CNTN6: variants seen among roughly 807,000 people sequenced by gnomAD.
The protein encoded by CNTN6 is contactin 6.
In CNTN6, 137 loss-of-function variants were observed where a neutral mutation model predicts 122.8. That is an observed-to-expected ratio of 1.12 (90% confidence interval 0.97 to 1.29). The LOEUF is 1.29. Among genes scored for constraint, CNTN6 ranks in the 50% most tolerant of loss-of-function variants. CNTN6 has a pLI of 0.00. For missense variants in CNTN6, 1,634 were observed against 1,223.4 expected, an observed-to-expected ratio of 1.34 and a Z score of -5.01; for synonymous variants, 570 against 426.0, an observed-to-expected ratio of 1.34 and a Z score of -4.16.
rs577588841 is a variant in CNTN6 at position 1,225,380 on chromosome 3, A to G, written c.183-2438A>G. Among the ~76,000 whole-genome samples the G allele has an allele frequency of 7.2e-5, 11 of 152,334 alleles. No homozygotes were observed. The South Asian group carries it at 8.3e-4, about 11-fold the overall frequency. ...TACAGTTTAATAATCATTGTACCGT[A>G]GTGATCAGAATGATTATGGGGATAC... On this transcript the variant is annotated intron_variant, in intron 3 of 22. Coordinates refer to ENST00000446702, the MANE Select transcript of CNTN6 (RefSeq NM_001289080.2).
intron 2 of CNTN6, among the ~76,000 whole-genome samples, chr3:1,188,056 T>C (rs1465560781): frequency 6.6e-6 from 1 of 152,172 alleles, no homozygotes; most frequent in Non-Finnish European, 1.5e-5. Context: ...TTAAATGCCA[T>C]TTATTCACAC....
At chr3:1,365,699 G>A (rs993355885) in intron 12 of CNTN6, among the ~76,000 whole-genome samples, 1 of 151,758 alleles carries the variant, frequency 6.6e-6, no homozygotes, top group Non-Finnish European at 1.5e-5. Context: ...GACAAAAACC[G>A]CAATTACTTT....
chr3:1,334,425 G>T (rs115080265), intron 11 of CNTN6, among the ~76,000 whole-genome samples: 5,618 of 150,480 alleles, frequency 0.037, 153 homozygotes, highest in African/African-American at 0.069. Context: ...ATCTTAAGAT[G>T]AAATAATATG....
chr3:1,134,832 A>G (rs2092431608), intron 1 of CNTN6, among the ~76,000 whole-genome samples: 1 of 152,178 alleles, frequency 6.6e-6, no homozygotes, highest in Admixed American at 6.5e-5. Context: ...AGATATTGGA[A>G]GGTGGCAATG....
chr3:1,219,601 C>G (rs182603964), intron 2 of CNTN6, among the ~76,000 whole-genome samples: 2 of 152,174 alleles, frequency 1.3e-5, no homozygotes, highest in East Asian at 3.8e-4. Context: ...CCTGACTATT[C>G]AGACAAGCCC....
intron 1 of CNTN6, among the ~76,000 whole-genome samples, chr3:1,106,903 G>A (rs185328583): frequency 3.9e-5 from 6 of 152,216 alleles, no homozygotes; most frequent in Non-Finnish European, 8.8e-5. Context: ...CAATAAAACA[G>A]CGTTGAGTTA....
At chr3:1,356,519 C>T (rs962524499) in intron 12 of CNTN6, among the ~76,000 whole-genome samples, 1 of 151,700 alleles carries the variant, frequency 6.6e-6, no homozygotes, top group Non-Finnish European at 1.5e-5. Context: ...TTGGAGGCTT[C>T]GTGGCTCTAG....
At chr3:1,393,188 A>AAAAT (rs1203216668) in intron 20 of CNTN6, among the ~76,000 whole-genome samples, 1 of 97,438 alleles carries the variant, frequency 1.0e-5, no homozygotes, top group Non-Finnish European at 2.1e-5. Flanking sequence ...CTGGATTAAG[A>AAAAT]AAATATGGCA....
chr3:1,233,249 T>C (rs575549148), intron 4 of CNTN6, among the ~76,000 whole-genome samples: 1 of 152,246 alleles, frequency 6.6e-6, no homozygotes, highest in South Asian at 2.1e-4. Context: ...ATAGGGTTAC[T>C]ATGAGGACCA....
intron 1 of CNTN6, among the ~76,000 whole-genome samples, chr3:1,102,990 C>G (rs978784507): frequency 2.0e-5 from 3 of 151,236 alleles, no homozygotes; most frequent in Non-Finnish European, 4.4e-5. Flanking sequence ...CCTGTGGTCC[C>G]AGCTACTCGG....
intron 4 of CNTN6, among the ~76,000 whole-genome samples, 194 bp from the exon 5 acceptor site, chr3:1,278,219 A>T (rs1055375614): frequency 1.3e-5 from 2 of 152,236 alleles, no homozygotes; most frequent in African/African-American, 4.8e-5. Context: ...GTGTTTAATT[A>T]AAAAGAAAGA....
intron 1 of CNTN6, among the ~76,000 whole-genome samples, chr3:1,141,380 G>A (rs1208969294): frequency 7.2e-5 from 11 of 152,272 alleles, no homozygotes; most frequent in Non-Finnish European, 1.2e-4. Flanking sequence ...AGGGGAGAAC[G>A]AAGCCCGTGA....
rs1311658391 is a variant in CNTN6 at position 1,095,744 on chromosome 3, T to C, written c.-83+2624T>C. On this transcript the variant is annotated intron_variant, in intron 1 of 22. Coordinates refer to ENST00000446702, the MANE Select transcript of CNTN6 (RefSeq NM_001289080.2). The stretch of plus-strand genomic sequence containing the variant: ...ACTTTTATAACCCTTGTTATGATAG[T>C]TAAATGCATTTGCAATGTGACTTGT... Among the ~76,000 whole-genome samples, 5 of 152,208 alleles carry C rather than the reference T, an allele frequency of 3.3e-5. No homozygotes were observed. The East Asian group carries it at 9.6e-4, about 29-fold the overall frequency.
chr3:1,297,808 A>G, intron 6 of CNTN6, 81 bp from the exon 7 acceptor site: 1 of 1,010,090 alleles, frequency 9.9e-7, no homozygotes, highest in Non-Finnish European at 1.5e-6. Context: ...AGAAATAATC[A>G]GGTTTTGGTT....
chr3:1,340,428 G>T (rs1703718516), intron 11 of CNTN6, among the ~76,000 whole-genome samples: 1 of 152,094 alleles, frequency 6.6e-6, no homozygotes, highest in African/African-American at 2.4e-5. Context: ...AAAAATATCA[G>T]TTCTTTCAGT....
At chr3:1,283,218 G>A (rs1693776205) in intron 5 of CNTN6, among the ~76,000 whole-genome samples, 1 of 152,160 alleles carries the variant, frequency 6.6e-6, no homozygotes, top group African/African-American at 2.4e-5. Flanking sequence ...GCTTCCCAAA[G>A]TCCTGGGATC....
At chr3:1,193,059 A>G (rs1575180972) in intron 2 of CNTN6, among the ~76,000 whole-genome samples, 1 of 152,298 alleles carries the variant, frequency 6.6e-6, no homozygotes, top group East Asian at 1.9e-4. Flanking sequence ...TGTTACATGT[A>G]CATTAATTTG....
Position 1,352,395 on chromosome 3 carries a change from G to T in CNTN6, c.1436G>T (p.Cys479Phe). The T allele has an allele frequency of 1.2e-6, 2 of 1,608,020 alleles. No individual in the cohort carries two copies. Among genetic ancestry groups the T allele is most frequent in the South Asian group, 1.1e-5 (1 of 90,774 alleles). ...ITRSDAGSYT[C>F]IATNQFGTAK... ...AGGTCAGATGCTGGATCATATACAT[G>T]CATAGCCACAAATCAGTTTGGCACT... The change falls in exon 12 of 23, where the codon TGC becomes TTC. Residue 479 changes from cysteine (C) to phenylalanine (F), a missense_variant. Physicochemically the swap from Cys to Phe is radical, Grantham distance 205. Transcript: ENST00000446702.
intron 2 of CNTN6, among the ~76,000 whole-genome samples, chr3:1,168,711 G>A (rs904505680): frequency 9.2e-5 from 14 of 151,728 alleles, no homozygotes; most frequent in African/African-American, 3.1e-4. Context: ...AGTACCTGGG[G>A]GTGCTGAGAT....
Sources: allele counts gnomAD v4.1 joint callset (sites outside exome capture counted in the v4.1 genomes callset), GRCh38; gene constraint gnomAD v4.1.1; transcripts MANE v1.5; gene names NCBI Gene and HGNC (gene_info 2026-07-23, HGNC 2026-07-21).